RBFOX1: variants seen among roughly 807,000 people sequenced by gnomAD.
The protein encoded by RBFOX1 is RNA binding protein fox-1 homolog 1.
Under a neutral mutation model 57.7 loss-of-function variants are expected in RBFOX1, and 8 were observed. The observed-to-expected ratio is 0.14, with a 90% confidence interval of 0.08 to 0.25. RBFOX1 has a LOEUF of 0.25. Among genes scored for constraint, RBFOX1 ranks in the 10% least tolerant of loss-of-function variants. RBFOX1 has a pLI of 1.00. For missense variants in RBFOX1, 611 were observed against 548.5 expected (o/e 1.11, Z -1.14); for synonymous variants, 326 against 222.4 (o/e 1.47, Z -4.15).
intron 3 of RBFOX1, among the ~76,000 whole-genome samples, chr16:6,866,199 C>T (rs67712146): frequency 5.3e-5 from 8 of 151,756 alleles, no homozygotes; most frequent in Non-Finnish European, 1.2e-4. Flanking sequence ...TCTGGTAGTT[C>T]TTTATTACTT....
upstream of RBFOX1, among the ~76,000 whole-genome samples, chr16:6,016,845 T>C (rs2094996748): frequency 6.6e-6 from 1 of 152,154 alleles, no homozygotes; most frequent in South Asian, 2.1e-4. Context: ...GAAAGGTCAT[T>C]GTGAGAAAGA....
At chr16:6,555,534 C>T (rs951589137) in intron 2 of RBFOX1, among the ~76,000 whole-genome samples, 1 of 151,968 alleles carries the variant, frequency 6.6e-6, no homozygotes, top group African/African-American at 2.4e-5. Context: ...CCCGTCTCTA[C>T]TAAAAAATAC....
chr16:6,317,000 T>A lies in RBFOX1; in HGVS notation c.-121T>A, dbSNP rs1397168370. 1.3e-6 allele frequency: 2 copies of A among 1,535,404 alleles called. No individual in the cohort carries two copies. The stretch of plus-strand genomic sequence containing the variant: ...TTCCCCTTTTTCTTCTTTAGGAAAC[T>A]GGTCAAAGAACTCATGCAAGTGGAA... On this transcript the variant is annotated 5_prime_UTR_variant, in exon 2 of 16. Transcript: ENST00000550418.
At chr16:6,923,781 G>A (rs1489157623) in intron 3 of RBFOX1, among the ~76,000 whole-genome samples, 1 of 152,120 alleles carries the variant, frequency 6.6e-6, no homozygotes, top group Non-Finnish European at 1.5e-5. Flanking sequence ...GTCTATTTTG[G>A]AGTCCAATAA....
intron 4 of RBFOX1, among the ~76,000 whole-genome samples, chr16:7,366,020 A>G (rs994254092): frequency 6.6e-6 from 1 of 152,234 alleles, no homozygotes. Flanking sequence ...ACTCTGTGTC[A>G]GAAACTCCCA....
intron 1 of RBFOX1, among the ~76,000 whole-genome samples, chr16:5,252,866 C>T (rs1395179585): frequency 6.6e-6 from 1 of 152,210 alleles, no homozygotes; most frequent in East Asian, 1.9e-4. Flanking sequence ...CAGGCAACAG[C>T]CACCTCTGAG....
intron 1 of RBFOX1, among the ~76,000 whole-genome samples, chr16:5,457,572 C>T (rs1220686930): frequency 1.3e-5 from 2 of 152,212 alleles, no homozygotes; most frequent in Non-Finnish European, 1.5e-5. Flanking sequence ...TTTGGGGCCA[C>T]ACAGGCATTC....
chr16:6,997,380 T>C (rs1469460278), intron 3 of RBFOX1, among the ~76,000 whole-genome samples: 1 of 152,180 alleles, frequency 6.6e-6, no homozygotes, highest in East Asian at 1.9e-4. Flanking sequence ...TGTCAACCTA[T>C]GTTGAAAATA....
intron 4 of RBFOX1, among the ~76,000 whole-genome samples, chr16:7,292,259 TGATATAG>T (rs1213031238): frequency 1.0e-5 from 1 of 99,932 alleles, no homozygotes; most frequent in Non-Finnish European, 1.9e-5. Context: ...ATATGATATA[TGATATAG>T]AACGTATTAT....
intron 1 of RBFOX1, among the ~76,000 whole-genome samples, chr16:5,405,215 G>A (rs1056779839): frequency 6.6e-6 from 1 of 152,122 alleles, no homozygotes; most frequent in Non-Finnish European, 1.5e-5. Context: ...CGCTTCCTTG[G>A]TGACATGGTT....
chr16:6,988,738 T>C (rs2090846604), intron 3 of RBFOX1, among the ~76,000 whole-genome samples: 1 of 68,226 alleles, frequency 1.5e-5, no homozygotes, highest in Non-Finnish European at 2.9e-5. Context: ...CTAATTTTTT[T>C]TTTTGTTTGT....
chr16:5,841,125 C>T (rs1463130757), intron 3 of RBFOX1, among the ~76,000 whole-genome samples: 1 of 152,184 alleles, frequency 6.6e-6, no homozygotes, highest in Non-Finnish European at 1.5e-5. Context: ...GATTTCCTGG[C>T]ATTGCGTCAA....
At chr16:6,808,869 C>T (rs1297838119) in intron 3 of RBFOX1, among the ~76,000 whole-genome samples, 1 of 152,270 alleles carries the variant, frequency 6.6e-6, no homozygotes, top group African/African-American at 2.4e-5. Context: ...CCTGTAACAC[C>T]TTTAGCAGGG....
At chr16:7,361,806 G>A (rs531454613) in intron 4 of RBFOX1, among the ~76,000 whole-genome samples, 1 of 152,254 alleles carries the variant, frequency 6.6e-6, no homozygotes, top group East Asian at 1.9e-4. Context: ...ATGCCAGTGT[G>A]TGTATGTGTG....
chr16:6,104,017 G>A (rs2096347491), intron 1 of RBFOX1, among the ~76,000 whole-genome samples: 1 of 151,892 alleles, frequency 6.6e-6, no homozygotes. Flanking sequence ...TTCTTGCCTT[G>A]ACCCTAGAGA....
At chr16:6,374,857 C>T (rs1347700158) in intron 2 of RBFOX1, among the ~76,000 whole-genome samples, 2 of 152,302 alleles carry the variant, frequency 1.3e-5, no homozygotes, top group African/African-American at 4.8e-5. Flanking sequence ...CAAATAACTT[C>T]TGAGTGAAAT....
chr16:5,270,808 A>G, intron 1 of RBFOX1: 1 of 448,400 alleles, frequency 2.2e-6, no homozygotes, highest in Non-Finnish European at 4.3e-6. Flanking sequence ...TTCATTAGAA[A>G]AGTAAAAATG....
At position 6,872,038 on chromosome 16, in the gene RBFOX1, G is replaced by T. The variant is rs375733798; in HGVS notation, c.-15-180019G>T. ...TATTGTTCATTATGATTGTGTGTAG[G>T]TATCGTTTCTGGAAAGCCTCTCAGT... On this transcript the variant is annotated intron_variant, in intron 3 of 15. Transcript: ENST00000550418. Among the ~76,000 whole-genome samples, 10 of 151,182 alleles carry T rather than the reference G, an allele frequency of 6.6e-5. 1 individual carries two copies. Among genetic ancestry groups the T allele is most frequent in the East Asian group, 2.0e-4 (1 of 5,104 alleles).
chr16:6,628,208 G>T (rs1236740777), intron 2 of RBFOX1, among the ~76,000 whole-genome samples: 4 of 152,180 alleles, frequency 2.6e-5, no homozygotes, highest in Non-Finnish European at 5.9e-5. Flanking sequence ...CAGTCTCCCT[G>T]GGGGTTAGCA....
Sources: allele counts gnomAD v4.1 joint callset (sites outside exome capture counted in the v4.1 genomes callset), GRCh38; gene constraint gnomAD v4.1.1; transcripts MANE v1.5; gene names NCBI Gene and HGNC (gene_info 2026-07-23, HGNC 2026-07-21).